The following VKORC1L1 variants were observed in gnomAD, a reference collection of about 807,000 sequenced individuals.
VKORC1L1 encodes vitamin K epoxide reductase complex subunit 1-like protein 1.
VKORC1L1 carries 2 observed loss-of-function variants against 18.9 expected under a neutral mutation model. The ratio of observed to expected loss-of-function variants is 0.11; its 90% CI spans 0.04 to 0.33. VKORC1L1 has a LOEUF of 0.33. VKORC1L1 is among the 10% of genes least tolerant of loss of function. The probability of loss-of-function intolerance (pLI) is 1.00; values close to 1 mark genes in which losing one functional copy is unlikely to be tolerated. For missense variants in VKORC1L1, 123 were observed against 224.1 expected (o/e 0.55, Z 2.88); for synonymous variants, 96 against 100.0 (o/e 0.96, Z 0.24).
At chr7:65,937,652 A>G (rs571506942) in intron 1 of VKORC1L1, among the ~76,000 whole-genome samples, 12 of 152,120 alleles carry the variant, frequency 7.9e-5, no homozygotes, top group East Asian at 3.9e-4. Context: ...GGTTCAAGCA[A>G]TCCCTCCAAC....
Position 65,947,414 on chromosome 7 carries a change from G to GTT in VKORC1L1, c.195-1241_195-1240dup, listed in dbSNP as rs58878681. Among the ~76,000 whole-genome samples, 201 of 130,808 alleles carry GTT rather than the reference G, an allele frequency of 1.5e-3. 5 individuals carry two copies. The highest frequency in any genetic ancestry group is 9.0e-3 in the South Asian group (37 of 4,128). 85.8% of individuals were successfully genotyped at this position (130,808 alleles called of 152,430 possible). A position where few individuals can be genotyped will look rare whatever the true frequency, so the allele number is the denominator to read the frequency against. On this transcript the variant is annotated intron_variant, in intron 1 of 2. Transcript: ENST00000360768. ...CTCTACTGACTTAACACCATAACTG[G>GTT]TTTTTTTTTTTTTTTTTAGTATTTA...
intron 1 of VKORC1L1, among the ~76,000 whole-genome samples, chr7:65,881,618 C>A (rs1278654321): frequency 6.6e-6 from 1 of 151,982 alleles, no homozygotes; most frequent in Admixed American, 6.6e-5. Context: ...CATACAACCA[C>A]ACACACACAT....
chr7:65,896,752 G>C (rs1789220628), intron 1 of VKORC1L1, among the ~76,000 whole-genome samples: 1 of 152,158 alleles, frequency 6.6e-6, no homozygotes, highest in Admixed American at 6.5e-5. Context: ...TATAATCCCA[G>C]CACTTTGAGA....
At chr7:65,951,339 G>T (rs1055287549) in intron 2 of VKORC1L1, among the ~76,000 whole-genome samples, 3 of 152,138 alleles carry the variant, frequency 2.0e-5, no homozygotes, top group African/African-American at 7.2e-5. Context: ...ATTTTGGGAG[G>T]CCAAGATGGG....
In VKORC1L1 at chr7:65,940,500, C is replaced by T. The variant is rs77785263; in HGVS notation, c.195-8171C>T. Among the ~76,000 whole-genome samples, 168 of 152,192 alleles carry T rather than the reference C, an allele frequency of 1.1e-3. No homozygotes were observed. The East Asian group carries it at 0.016, about 15-fold the overall frequency. On this transcript the variant is annotated intron_variant, in intron 1 of 2. Transcript: ENST00000360768. ...AAGTAAACCAAGGAGAAATGGAAGACACCAAATATAAGAAATGGAAGATTC... is the reference window on the plus strand; with the variant it reads ...AAGTAAACCAAGGAGAAATGGAAGATACCAAATATAAGAAATGGAAGATTC...
At chr7:65,916,845 A>G (rs1262377004) in intron 1 of VKORC1L1, among the ~76,000 whole-genome samples, 2 of 152,086 alleles carry the variant, frequency 1.3e-5, no homozygotes, top group Non-Finnish European at 2.9e-5. Flanking sequence ...TGATCCACCC[A>G]CCTTGGCCTC....
intron 1 of VKORC1L1, among the ~76,000 whole-genome samples, chr7:65,880,581 G>A (rs183850292): frequency 5.9e-5 from 9 of 152,226 alleles, no homozygotes; most frequent in African/African-American, 1.9e-4. Context: ...AGGCCTTGTC[G>A]TGTGGACCTG....
chr7:65,912,374 C>T (rs1789516005), intron 1 of VKORC1L1, among the ~76,000 whole-genome samples: 1 of 152,188 alleles, frequency 6.6e-6, no homozygotes, highest in Non-Finnish European at 1.5e-5. Context: ...TGTGCTGGAG[C>T]TTGTGGCTCT....
At chr7:65,944,048 G>A (rs1309671746) in intron 1 of VKORC1L1, among the ~76,000 whole-genome samples, 1 of 152,170 alleles carries the variant, frequency 6.6e-6, no homozygotes, top group African/African-American at 2.4e-5. Flanking sequence ...GGAGGCTTCA[G>A]TGGGCGGATC....
At chr7:65,889,631 T>G (rs1303481517) in intron 1 of VKORC1L1, among the ~76,000 whole-genome samples, 2 of 152,216 alleles carry the variant, frequency 1.3e-5, no homozygotes, top group African/African-American at 2.4e-5. Flanking sequence ...AATAGACCAA[T>G]GCCAGCACTC....
the VKORC1L1 span, among the ~76,000 whole-genome samples, chr7:65,866,915 G>A: frequency 6.6e-6 from 1 of 152,136 alleles, no homozygotes; most frequent in Non-Finnish European, 1.5e-5. Flanking sequence ...GAAGAGCTGG[G>A]TGTGGTGGCT....
chr7:65,939,521 T>C (rs1301925525), intron 1 of VKORC1L1, among the ~76,000 whole-genome samples: 1 of 152,208 alleles, frequency 6.6e-6, no homozygotes, highest in African/African-American at 2.4e-5. Context: ...AGTCTTCAAA[T>C]TTTGGACCTA....
At chr7:65,941,993 A>T (rs903246487) in intron 1 of VKORC1L1, among the ~76,000 whole-genome samples, 3 of 152,096 alleles carry the variant, frequency 2.0e-5, no homozygotes, top group African/African-American at 7.2e-5. Context: ...CTACTGATTC[A>T]CGCATGTGTT....
At chr7:65,917,558 T>A (rs568037455) in intron 1 of VKORC1L1, among the ~76,000 whole-genome samples, 1 of 151,052 alleles carries the variant, frequency 6.6e-6, no homozygotes, top group African/African-American at 2.4e-5. Context: ...CCATGATAAA[T>A]TTTTCCCAAC....
At chr7:65,918,069 A>G (rs1789617292) in intron 1 of VKORC1L1, among the ~76,000 whole-genome samples, 1 of 152,200 alleles carries the variant, frequency 6.6e-6, no homozygotes, top group Non-Finnish European at 1.5e-5. Context: ...ATACTTTGCT[A>G]CTACATTACT....
At chr7:65,941,673 G>GTTTTTTTTTTTTTTTTTTTTTTT (rs57537567) in intron 1 of VKORC1L1, among the ~76,000 whole-genome samples, 3 of 66,474 alleles carry the variant, frequency 4.5e-5, no homozygotes, top group Non-Finnish European at 8.3e-5. Context: ...TTTTCTTAAG[G>GTTTTTTTTTTTTTTTTTTTTTTT]TTTTTTTTTT....
chr7:65,873,963 C>T (rs1171789611), intron 1 of VKORC1L1, among the ~76,000 whole-genome samples: 1 of 152,116 alleles, frequency 6.6e-6, no homozygotes, highest in Non-Finnish European at 1.5e-5. Context: ...GGTGTGGGAC[C>T]TTGTCCACCG....
intron 1 of VKORC1L1, among the ~76,000 whole-genome samples, chr7:65,895,508 T>C (rs1457283712): frequency 0.018 from 1,662 of 92,738 alleles, 39 homozygotes; most frequent in Non-Finnish European, 0.026. Context: ...TATATATATA[T>C]ATATATATAC....
intron 1 of VKORC1L1, among the ~76,000 whole-genome samples, chr7:65,904,983 G>A (rs1214607076): frequency 6.6e-6 from 1 of 151,562 alleles, no homozygotes; most frequent in Non-Finnish European, 1.5e-5. Context: ...ATATATACAT[G>A]CACGTGTATA....
Sources: allele counts gnomAD v4.1 joint callset (sites outside exome capture counted in the v4.1 genomes callset), GRCh38; gene constraint gnomAD v4.1.1; transcripts MANE v1.5; gene names NCBI Gene and HGNC (gene_info 2026-07-23, HGNC 2026-07-21).